Variants in RNH1 observed in about 807,000 individuals in gnomAD.
RNH1 encodes the protein ribonuclease/angiogenin inhibitor 1, also known as ribonuclease inhibitor.
In RNH1, 38 loss-of-function variants were observed where a neutral mutation model predicts 46.1. That is an observed-to-expected ratio of 0.82 (90% CI 0.64 to 1.08). The LOEUF is 1.08. Ranked by LOEUF, RNH1 falls within the 50% of genes least tolerant of loss-of-function variation. The probability of loss-of-function intolerance (pLI) is 0.00; values close to 1 mark genes in which losing one functional copy is unlikely to be tolerated. For synonymous variants in RNH1, 319 were observed against 279.1 expected (o/e 1.14, Z -1.43); for missense variants, 577 against 590.7 (o/e 0.98, Z 0.24).
chr11:504,095 C>G (rs920719058), intron 2 of RNH1, among the ~76,000 whole-genome samples: 1 of 152,210 alleles, frequency 6.6e-6, no homozygotes, highest in African/African-American at 2.4e-5. Context: ...CTCAACCTTA[C>G]GGAGGGAGGT....
Position 504,280 on chromosome 11 carries a change from C to T in RNH1, c.-88+544G>A, listed in dbSNP as rs952111255. ...AGTTCCCGGTCCCTGGGACCCCCGC[C>T]CGCGCCCGCGTCGAGTCCCTCGAAC... On this transcript the variant is annotated intron_variant, in intron 2 of 10. Transcript: ENST00000354420. The T allele has an allele frequency of 7.2e-5, 11 of 152,478 alleles. No individual in the cohort carries two copies. In the East Asian group the frequency reaches 2.1e-3, roughly 29 times the overall value. 9.4% of individuals were successfully genotyped at this position (152,478 alleles called of 1,614,324 possible).
At chr11:496,561 C>A (rs574925755) in intron 9 of RNH1, among the ~76,000 whole-genome samples, 1 of 152,128 alleles carries the variant, frequency 6.6e-6, no homozygotes. Context: ...CCCAGCTACT[C>A]GGGAGGTTGA....
At chr11:504,406 C>A in intron 2 of RNH1, 1 of 154,026 alleles carries the variant, frequency 6.5e-6, no homozygotes, top group South Asian at 1.9e-4. Context: ...CGCCCGCGCC[C>A]GCTCCGCCCG....
In RNH1 at chr11:498,747, C is replaced by G. The variant is rs774353105; in HGVS notation, c.785+16G>C. ...GCCCGACCCTCCGGGAAGGAGGCCTCGCGGAGATGACTCACCACAGGGTCC... is the reference window on the plus strand; with the variant it reads ...GCCCGACCCTCCGGGAAGGAGGCCTGGCGGAGATGACTCACCACAGGGTCC... On this transcript the variant is annotated intron_variant, in intron 7 of 10. Transcript: ENST00000354420. 6.3e-7 allele frequency: 1 copy of G among 1,591,704 alleles called. No individual in the cohort carries two copies. Among genetic ancestry groups the G allele is most frequent in the African/African-American group, 1.3e-5 (1 of 74,868 alleles).
At chr11:499,679 A>C (rs377123257) in intron 5 of RNH1, 150 bp downstream of exon 5, 90 of 928,332 alleles carry the variant, frequency 9.7e-5, no homozygotes, top group African/African-American at 2.3e-4. Flanking sequence ...AAGGCCCCAG[A>C]CCCAGCATCA....
At position 498,560 on chromosome 11, in the gene RNH1, T is replaced by C. The variant is rs142181492; in HGVS notation, c.853A>G (p.Ser285Gly). 1.2e-4 allele frequency: 187 copies of C among 1,612,954 alleles called. No individual in the cohort carries two copies. Among genetic ancestry groups the C allele is most frequent in the Non-Finnish European group, 1.5e-4 (177 of 1,179,990 alleles). The change falls in exon 8 of 11, where the codon AGC (serine) becomes GGC (glycine). Residue 285 changes from serine to glycine, a missense_variant. By Grantham distance (56) the Ser-to-Gly change is moderately conservative. Transcript: ENST00000354420. ...CCGGCCAGGCTGAGCTCCTTCAGGC[T>C]CTCCTTGGCCCTGAGGACACGGCAC... ...DLCRVLRAKESLKELSLAGNE... is the reference protein window; with the variant it reads ...DLCRVLRAKEGLKELSLAGNE...
chr11:499,583 G>A (rs61876346), intron 5 of RNH1: 167,634 of 710,468 alleles, frequency 0.24, 20,547 homozygotes, highest in African/African-American at 0.3. Context: ...TGGGGCAGCT[G>A]TGCCTTGCAA....
At position 500,570 on chromosome 11, in the gene RNH1, G is replaced by C. The variant is rs769023666; in HGVS notation, c.186C>G (p.Asn62Lys). The change falls in exon 4 of 11, where the codon AAC (asparagine) becomes AAG (lysine). Residue 62 changes from asparagine to lysine, a missense_variant. Transcript: ENST00000354420. ...LRVNPALAEL[N>K]LRSNELGDVG... ...CATCGCCCAGCTCGTTGCTGCGCAG[G>C]TTGAGCTCTGCCAGTGCAGGGTTGA... 4 of 1,610,774 alleles carry C rather than the reference G, an allele frequency of 2.5e-6. No individual in the cohort carries two copies. Among genetic ancestry groups the C allele is most frequent in the African/African-American group, 2.7e-5 (2 of 74,946 alleles).
chr11:500,198 G>T, intron 4 of RNH1, 199 bp from the exon 5 acceptor site: 1 of 688,210 alleles, frequency 1.5e-6, no homozygotes, highest in East Asian at 2.7e-5. Flanking sequence ...GGGAAACCTT[G>T]TCTGCAGACA....
At chr11:496,755 C>G (rs1565016890) in intron 9 of RNH1, among the ~76,000 whole-genome samples, 1 of 152,230 alleles carries the variant, frequency 6.6e-6, no homozygotes, top group East Asian at 1.9e-4. Context: ...GGGCACAAGA[C>G]CCCAAAAATT....
rs1431813716 is a variant in RNH1 at position 501,470 on chromosome 11, A to G, written c.101+592T>C. ...GAGGAAGACGAAAAGGGCAGGGCGG[A>G]AAAGCAGACCCTGCCTGGAGGTGCT... is the stretch of plus-strand genomic sequence containing the variant. On this transcript the variant is annotated intron_variant, in intron 3 of 10. Coordinates refer to ENST00000354420, the MANE Select transcript of RNH1 (RefSeq NM_203387.3). The surrounding 1 kb of genome is among the most constrained non-coding windows in gnomAD (Gnocchi z 4.1). 6.3e-6 allele frequency: 1 copy of G among 158,296 alleles called. No homozygotes were observed. Among genetic ancestry groups the G allele is most frequent in the Non-Finnish European group, 1.4e-5 (1 of 71,464 alleles). The allele number at this position is 158,296 out of a possible 1,614,324, so 9.8% of individuals were successfully genotyped here.
intron 8 of RNH1, 70 bp from the exon 9 acceptor site, chr11:498,211 C>T (rs1265119155): frequency 2.0e-6 from 3 of 1,509,030 alleles, no homozygotes; most frequent in Non-Finnish European, 2.7e-6. Context: ...TGGCCCTTCC[C>T]CTGAAGGCCC....
In RNH1 at chr11:500,510, G is replaced by T. The variant is rs1229262964; in HGVS notation, c.246C>A (p.Thr82=). 6.2e-7 allele frequency: 1 copy of T among 1,608,894 alleles called. No individual in the cohort carries two copies. The highest frequency in any genetic ancestry group is 1.7e-5 in the Admixed American group (1 of 60,014). ...GVHCVLQGLQ[T]PSCKIQKLSL... Reference sequence around the variant, plus strand: ...TCAGCTTCTGGATCTTGCAGGAGGGGGTCTGCAGGCCCTGGAGCACGCAAT... The same window carrying T: ...TCAGCTTCTGGATCTTGCAGGAGGGTGTCTGCAGGCCCTGGAGCACGCAAT... The change falls in exon 4 of 11, where the codon ACC becomes ACA. Residue 82 remains threonine (T), a synonymous_variant. Coordinates refer to ENST00000354420, the MANE Select transcript of RNH1 (RefSeq NM_203387.3).
intron 2 of RNH1, chr11:504,369 AG>A: frequency 6.6e-6 from 1 of 152,356 alleles, no homozygotes; most frequent in Non-Finnish European, 1.5e-5. Flanking sequence ...AAAAACACGA[AG>A]GGGGTCTCCC....
In RNH1 at chr11:494,641, A is replaced by C. The variant is rs573040422; in HGVS notation, c.*50T>G. ...AGCATGGCAGGGGCTGGTGGGCCCC[A>C]GGGTTGCCTCGAGGCCGGTCGTCCA... On this transcript the variant is annotated 3_prime_UTR_variant, in exon 11 of 11. Transcript: ENST00000354420. The C allele has an allele frequency of 9.7e-6, 15 of 1,550,460 alleles. No homozygotes were observed. Among genetic ancestry groups the C allele is most frequent in the Non-Finnish European group, 1.2e-5 (14 of 1,124,492 alleles).
chr11:498,322 TCCCTGG>T, intron 8 of RNH1, 129 bp downstream of exon 8: 1 of 1,311,150 alleles, frequency 7.6e-7, no homozygotes, highest in African/African-American at 1.5e-5. Flanking sequence ...CACAGGCTGC[TCCCTGG>T]CCTATGCATT....
intron 5 of RNH1, 59 bp downstream of exon 5, chr11:499,770 G>A: frequency 6.4e-7 from 1 of 1,569,982 alleles, no homozygotes. Flanking sequence ...TCTATGTAGG[G>A]GGCTGGCTGG....
chr11:500,120 C>G (rs1417956244), intron 4 of RNH1, 121 bp from the exon 5 acceptor site: 1 of 1,185,458 alleles, frequency 8.4e-7, no homozygotes, highest in Non-Finnish European at 1.1e-6. Flanking sequence ...TGCTCCTTCC[C>G]TGGACGGGGC....
chr11:494,913 C>T lies in RNH1; in HGVS notation c.1268G>A (p.Arg423Gln), dbSNP rs372965525. The T allele has an allele frequency of 6.4e-5, 103 of 1,611,176 alleles. 1 individual carries two copies. The highest frequency in any genetic ancestry group is 1.8e-4 in the South Asian group (16 of 90,828). The part of the protein sequence containing the change: ...AGILQLVESV[R>Q]QPGCLLEQLV... ...CTGCTCCAGGAGGCAGCCCGGCTGC[C>T]GGACGCTCTCCACCAGCTGCAGGAT... The change falls in exon 10 of 11, where the codon CGG becomes CAG. Residue 423 changes from arginine to glutamine, a missense_variant. Transcript: ENST00000354420.
Sources: gnomAD v4.1 joint callset for allele counts (sites outside exome capture counted in the v4.1 genomes callset) on GRCh38, gnomAD v4.1.1 for gene constraint, Gnocchi (gnomAD v3.1) non-coding constraint, MANE v1.5 for transcripts, NCBI Gene and HGNC (gene_info 2026-07-23, HGNC 2026-07-21) for gene names.